Variants in NCDN observed in about 807,000 individuals in gnomAD.
NCDN encodes norbin.
A neutral mutation model predicts 60.7 loss-of-function variants in NCDN; 9 were observed. That is an observed-to-expected ratio of 0.15 (90% CI 0.09 to 0.26). NCDN has a LOEUF of 0.26. Ranked by LOEUF, NCDN falls within the 10% of genes least tolerant of loss-of-function variation. The pLI, the probability that NCDN is intolerant of heterozygous loss-of-function variation, is 1.00. For synonymous variants in NCDN, 409 were observed against 442.5 expected, an observed-to-expected ratio of 0.92 and a Z score of 0.95; for missense variants, 578 against 975.2, an observed-to-expected ratio of 0.59 and a Z score of 5.42.
Position 35,558,375 on chromosome 1 carries a change from A to T in NCDN, c.33+152A>T. ...CCCCTGCCGGCATCCACAGGCTGGT[A>T]GCGGGACGGGGAGGGCGAGAAGAGG... is the stretch of plus-strand genomic sequence containing the variant. On this transcript the variant is annotated intron_variant, in intron 1 of 6. Transcript: ENST00000373243. The surrounding 1 kb of genome is among the most constrained non-coding windows in gnomAD (Gnocchi z 6.3). The T allele has an allele frequency of 4.6e-6, 7 of 1,518,092 alleles. No individual in the cohort carries two copies. 94.0% of individuals were successfully genotyped at this position (1,518,092 alleles called of 1,614,324 possible).
Position 35,560,743 on chromosome 1 carries a change from C to T in NCDN, c.592C>T (p.Leu198Phe), listed in dbSNP as rs1234014588. Residue 198 changes from leucine to phenylalanine, a missense_variant, in exon 3 of 7, where the codon CTC becomes TTC. This residue lies in a region of NCDN where 363 missense variants were observed against 583.6 expected (regional missense o/e 0.62). Coordinates refer to ENST00000373243, the MANE Select transcript of NCDN (RefSeq NM_014284.3). This position sits in a 1 kb window ranked among gnomAD's most constrained non-coding sequence, Gnocchi z 7.6. ...CTATGGCTTTGACCAGGCCCTGGCA[C>T]TCCTGGTGGGGCTGCTGGCTGCTGC... ...HGYGFDQALALLVGLLAAAET... is the reference protein window; with the variant it reads ...HGYGFDQALAFLVGLLAAAET... The T allele has an allele frequency of 1.2e-6, 2 of 1,612,376 alleles. No individual in the cohort carries two copies. Among genetic ancestry groups the T allele is most frequent in the African/African-American group, 1.3e-5 (1 of 74,950 alleles).
Position 35,563,481 on chromosome 1 carries a change from C to T in NCDN, c.1610+55C>T. Reference sequence around the variant, plus strand: ...GGCCGGAGGAGGCAAAGGAGGCTGCCCAGTTGCCTCAATTCTCAGTCTCCT... The same window carrying T: ...GGCCGGAGGAGGCAAAGGAGGCTGCTCAGTTGCCTCAATTCTCAGTCTCCT... On this transcript the variant is annotated intron_variant, in intron 5 of 6. Coordinates refer to ENST00000373243, the MANE Select transcript of NCDN (RefSeq NM_014284.3). This position sits in a 1 kb window ranked among gnomAD's most constrained non-coding sequence, Gnocchi z 6.6. 1 of 1,559,420 alleles carries T rather than the reference C, an allele frequency of 6.4e-7. No homozygotes were observed. Among genetic ancestry groups the T allele is most frequent in the Non-Finnish European group, 8.8e-7 (1 of 1,138,046 alleles).
rs1475871077 is a variant in NCDN at position 35,562,373 on chromosome 1, G to A, written c.1144-19G>A. On this transcript the variant is annotated intron_variant, in intron 3 of 6. Coordinates refer to ENST00000373243, the MANE Select transcript of NCDN (RefSeq NM_014284.3). The surrounding 1 kb of genome is among the most constrained non-coding windows in gnomAD (Gnocchi z 6.8). ...GGTCCCTGGTCCTGCTCCATCTCAAGGGGGTCCTGTGGCAACAGGTGGGGT... is the reference window on the plus strand; with the variant it reads ...GGTCCCTGGTCCTGCTCCATCTCAAAGGGGTCCTGTGGCAACAGGTGGGGT... 1 of 1,612,164 alleles carries A rather than the reference G, an allele frequency of 6.2e-7. No homozygotes were observed. Among genetic ancestry groups the A allele is most frequent in the Admixed American group, 1.7e-5 (1 of 59,958 alleles).
Position 35,561,389 on chromosome 1 carries a change from G to A in NCDN, c.1143+95G>A, listed in dbSNP as rs957700101. ...GGGAGGAGAATAATGGGGAGACAGC[G>A]AAGCTGCATGTCCACACAAGCTGAT... On this transcript the variant is annotated intron_variant, in intron 3 of 6. Coordinates refer to ENST00000373243, the MANE Select transcript of NCDN (RefSeq NM_014284.3). The surrounding 1 kb of genome is among the most constrained non-coding windows in gnomAD (Gnocchi z 4.9). The A allele has an allele frequency of 4.5e-5, 65 of 1,456,518 alleles. No homozygotes were observed. The African/African-American group carries it at 6.5e-4, about 14-fold the overall frequency. 90.2% of individuals were successfully genotyped at this position (1,456,518 alleles called of 1,614,324 possible). A position where few individuals can be genotyped will look rare whatever the true frequency, so the allele number is the denominator to read the frequency against.
chr1:35,564,426 C>T (rs1648805559), intron 6 of NCDN, among the ~76,000 whole-genome samples: 1 of 152,202 alleles, frequency 6.6e-6, no homozygotes, highest in African/African-American at 2.4e-5. Flanking sequence ...TCCGTGTCTC[C>T]CTCTTTGGCT....
intron 2 of NCDN, 58 bp downstream of exon 2, chr1:35,559,305 G>T: frequency 1.2e-6 from 2 of 1,609,214 alleles, no homozygotes; most frequent in South Asian, 2.2e-5. Context: ...GGCCCCCAAG[G>T]AATGGGGTCA....
chr1:35,559,271 G>A, intron 2 of NCDN, 24 bp downstream of exon 2: 1 of 1,613,834 alleles, frequency 6.2e-7, no homozygotes, highest in Non-Finnish European at 8.5e-7. Flanking sequence ...TGAAAATTGG[G>A]AGGTGGGAAG....
In NCDN at chr1:35,562,445, G is replaced by C; in HGVS notation, c.1197G>C (p.Leu399=). Residue 399 remains leucine, a synonymous_variant, in exon 4 of 7, where the codon CTG becomes CTC. Transcript: ENST00000373243. The surrounding 1 kb of genome is among the most constrained non-coding windows in gnomAD (Gnocchi z 6.8). ...TTGTGTTTGCCTCGGTGCGGATCCT[G>C]GGTGCCTGGCTGGCCGAGGAGACCT... ...EPFVFASVRI[L]GAWLAEETSS... The C allele has an allele frequency of 1.9e-6, 3 of 1,614,176 alleles. No individual in the cohort carries two copies. The highest frequency in any genetic ancestry group is 1.1e-5 in the South Asian group (1 of 91,080).
Position 35,558,827 on chromosome 1 carries a change from GGA to G in NCDN, c.34-276_34-275del. The G allele has an allele frequency of 1.3e-6, 1 of 759,850 alleles. No homozygotes were observed. The highest frequency in any genetic ancestry group is 1.9e-6 in the Non-Finnish European group (1 of 529,378). The allele number at this position is 759,850 out of a possible 1,614,324, so 47.1% of individuals were successfully genotyped here. ...CCGCCCACCCCCAGGAGACTGGTGA[GGA>G]GAGCTGTCCGGCTGAGCAGCAGCAT... On this transcript the variant is annotated intron_variant, in intron 1 of 6. Transcript: ENST00000373243. The surrounding 1 kb of genome is among the most constrained non-coding windows in gnomAD (Gnocchi z 6.3).
In NCDN at chr1:35,564,586, G is replaced by A. The variant is rs149766212; in HGVS notation, c.1754-641G>A. On this transcript the variant is annotated intron_variant, in intron 6 of 6. Coordinates refer to ENST00000373243, the MANE Select transcript of NCDN (RefSeq NM_014284.3). ...TTCCTTTTGAGGGGTTCCCAGCAGG[G>A]TACCCCGTCATGGGAAGGGGTGCAC... is the stretch of plus-strand genomic sequence containing the variant. Among the ~76,000 whole-genome samples, 59 of 152,288 alleles carry A rather than the reference G, an allele frequency of 3.9e-4. 1 individual carries two copies. The East Asian group carries it at 7.9e-3, about 20-fold the overall frequency.
In NCDN at chr1:35,558,813, C is replaced by A; in HGVS notation, c.34-294C>A. 1 of 820,816 alleles carries A rather than the reference C, an allele frequency of 1.2e-6. No homozygotes were observed. Among genetic ancestry groups the A allele is most frequent in the Non-Finnish European group, 1.7e-6 (1 of 594,228 alleles). The allele number at this position is 820,816 out of a possible 1,614,324, so 50.8% of individuals were successfully genotyped here. On this transcript the variant is annotated intron_variant, in intron 1 of 6. Coordinates refer to ENST00000373243, the MANE Select transcript of NCDN (RefSeq NM_014284.3). This position sits in a 1 kb window ranked among gnomAD's most constrained non-coding sequence, Gnocchi z 6.3. ...AGTGGGGCCAGCTCCCGCCCACCCC[C>A]AGGAGACTGGTGAGGAGAGCTGTCC... is the stretch of plus-strand genomic sequence containing the variant.
chr1:35,561,534 C>T lies in NCDN; in HGVS notation c.1143+240C>T, dbSNP rs1038036963. Among the ~76,000 whole-genome samples, 2 of 152,058 alleles carry T rather than the reference C, an allele frequency of 1.3e-5. No individual in the cohort carries two copies. Among genetic ancestry groups the T allele is most frequent in the African/African-American group, 4.8e-5 (2 of 41,394 alleles). On this transcript the variant is annotated intron_variant, in intron 3 of 6. Transcript: ENST00000373243. The surrounding 1 kb of genome is among the most constrained non-coding windows in gnomAD (Gnocchi z 4.9). ...TCACATCACAGTACACACACACGCA[C>T]ACACACACAACACAGTAACCTCCCA...
In NCDN at chr1:35,562,715, AGCTGTGCCAGGCTTCCTG is replaced by A; in HGVS notation, c.1385+83_1385+100del. 1 of 1,496,462 alleles carries A rather than the reference AGCTGTGCCAGGCTTCCTG, an allele frequency of 6.7e-7. No homozygotes were observed. The highest frequency in any genetic ancestry group is 9.0e-7 in the Non-Finnish European group (1 of 1,116,342). 92.7% of individuals were successfully genotyped at this position (1,496,462 alleles called of 1,614,324 possible). On this transcript the variant is annotated intron_variant, in intron 4 of 6. Coordinates refer to ENST00000373243, the MANE Select transcript of NCDN (RefSeq NM_014284.3). The surrounding 1 kb of genome is among the most constrained non-coding windows in gnomAD (Gnocchi z 6.8). ...CAAGGACACCCCTCCCCACAAACTG[AGCTGTGCCAGGCTTCCTG>A]ATTGGGCCATGAGATATCCCTTAGG...
Position 35,560,442 on chromosome 1 carries a change from C to T in NCDN, c.291C>T (p.Gly97=), listed in dbSNP as rs1648657339. 1.2e-6 allele frequency: 2 copies of T among 1,613,886 alleles called. No homozygotes were observed. The highest frequency in any genetic ancestry group is 1.7e-6 in the Non-Finnish European group (2 of 1,180,048). ...RLLTTKEAPD[G]CPDHVLRALG... is the part of the protein sequence containing the mutation. Reference sequence around the variant, plus strand: ...TGACCACCAAGGAGGCGCCGGATGGCTGCCCTGACCATGTTCTGCGGGCTT... The same window carrying T: ...TGACCACCAAGGAGGCGCCGGATGGTTGCCCTGACCATGTTCTGCGGGCTT... The change falls in exon 3 of 7, where the codon GGC becomes GGT. Residue 97 remains glycine, a synonymous_variant. Transcript: ENST00000373243. This position sits in a 1 kb window ranked among gnomAD's most constrained non-coding sequence, Gnocchi z 7.6.
In NCDN at chr1:35,566,628, A is replaced by G; in HGVS notation, c.*965A>G. 3.3e-6 allele frequency: 1 copy of G among 298,950 alleles called. No homozygotes were observed. Among genetic ancestry groups the G allele is most frequent in the Non-Finnish European group, 6.6e-6 (1 of 150,798 alleles). 18.5% of individuals were successfully genotyped at this position (298,950 alleles called of 1,614,324 possible). On this transcript the variant is annotated 3_prime_UTR_variant, in exon 7 of 7. Transcript: ENST00000373243. This position sits in a 1 kb window ranked among gnomAD's most constrained non-coding sequence, Gnocchi z 5.3. ...CTACCTTTCTTATAAACCCAGGGGG[A>G]CCACACACACACACACACACACACA...
In NCDN at chr1:35,566,673, ACACACACT is replaced by A. The variant is rs1182312015; in HGVS notation, c.*1012_*1019del. 9.7e-6 allele frequency: 4 copies of A among 410,562 alleles called. No individual in the cohort carries two copies. Among genetic ancestry groups the A allele is most frequent in the East Asian group, 7.5e-5 (1 of 13,256 alleles). The allele number at this position is 410,562 out of a possible 1,614,324, so 25.4% of individuals were successfully genotyped here. A position where few individuals can be genotyped will look rare whatever the true frequency, so the allele number is the denominator to read the frequency against. On this transcript the variant is annotated 3_prime_UTR_variant, in exon 7 of 7. Coordinates refer to ENST00000373243, the MANE Select transcript of NCDN (RefSeq NM_014284.3). The surrounding 1 kb of genome is among the most constrained non-coding windows in gnomAD (Gnocchi z 5.3). Reference sequence around the variant, plus strand: ...CACACACACACACACACACACACACACACACACTCTTGATCCCTTGCTTCCCTCCCCCA... The same window carrying A: ...CACACACACACACACACACACACACACTTGATCCCTTGCTTCCCTCCCCCA...
Position 35,561,386 on chromosome 1 carries a change from A to G in NCDN, c.1143+92A>G, listed in dbSNP as rs1571084644. On this transcript the variant is annotated intron_variant, in intron 3 of 6. Coordinates refer to ENST00000373243, the MANE Select transcript of NCDN (RefSeq NM_014284.3). This position sits in a 1 kb window ranked among gnomAD's most constrained non-coding sequence, Gnocchi z 4.9. Reference sequence around the variant, plus strand: ...AGGGGGAGGAGAATAATGGGGAGACAGCGAAGCTGCATGTCCACACAAGCT... The same window carrying G: ...AGGGGGAGGAGAATAATGGGGAGACGGCGAAGCTGCATGTCCACACAAGCT... The G allele has an allele frequency of 1.4e-6, 2 of 1,468,786 alleles. No homozygotes were observed. The highest frequency in any genetic ancestry group is 4.6e-5 in the East Asian group (2 of 43,218). The allele number at this position is 1,468,786 out of a possible 1,614,324, so 91.0% of individuals were successfully genotyped here.
rs367620429 is a variant in NCDN, at chr1:35,558,358, G to A, written c.33+135G>A. 3.4e-3 allele frequency: 5,211 copies of A among 1,532,508 alleles called. 12 individuals carry two copies. The highest frequency in any genetic ancestry group is 3.7e-3 in the Non-Finnish European group (4,252 of 1,139,536). The allele number at this position is 1,532,508 out of a possible 1,614,324, so 94.9% of individuals were successfully genotyped here. On this transcript the variant is annotated intron_variant, in intron 1 of 6. Transcript: ENST00000373243. The surrounding 1 kb of genome is among the most constrained non-coding windows in gnomAD (Gnocchi z 6.3). ...CCCTCTTGCTTCTCCAGCCCCTGCCGGCATCCACAGGCTGGTAGCGGGACG... is the reference window on the plus strand; with the variant it reads ...CCCTCTTGCTTCTCCAGCCCCTGCCAGCATCCACAGGCTGGTAGCGGGACG...
Position 35,560,198 on chromosome 1 carries a change from G to A in NCDN, c.175-128G>A. ...TCTAAGGAGAAAAAAGGAGCTGGAT[G>A]AAATGACCTCAGATGAGTCCTGTTG... On this transcript the variant is annotated intron_variant, in intron 2 of 6. Transcript: ENST00000373243. The surrounding 1 kb of genome is among the most constrained non-coding windows in gnomAD (Gnocchi z 7.6). 4.0e-6 allele frequency: 5 copies of A among 1,261,538 alleles called. No individual in the cohort carries two copies. Among genetic ancestry groups the A allele is most frequent in the Non-Finnish European group, 5.5e-6 (5 of 913,874 alleles). 78.1% of individuals were successfully genotyped at this position (1,261,538 alleles called of 1,614,324 possible).
Sources: gnomAD v4.1 joint callset for allele counts (sites outside exome capture counted in the v4.1 genomes callset) on GRCh38, gnomAD v4.1.1 for gene constraint, gnomAD v4.1.1 regional missense constraint, Gnocchi (gnomAD v3.1) non-coding constraint, MANE v1.5 for transcripts, NCBI Gene and HGNC (gene_info 2026-07-23, HGNC 2026-07-21) for gene names.